Variants in ARHGEF10L observed in about 807,000 individuals in gnomAD.
ARHGEF10L encodes the protein Rho guanine nucleotide exchange factor 10 like.
ARHGEF10L carries 69 observed loss-of-function variants against 141.2 expected under a neutral mutation model. The observed-to-expected ratio is 0.49, with a 90% CI of 0.40 to 0.60. The LOEUF (loss-of-function observed/expected upper bound fraction) is 0.60, where lower values mean the gene tolerates loss of function less well. Ranked by LOEUF, ARHGEF10L falls within the 20% of genes least tolerant of loss-of-function variation. The pLI is 0.00. For synonymous variants in ARHGEF10L, 711 were observed against 718.5 expected, an observed-to-expected ratio of 0.99 and a Z score of 0.17; for missense variants, 1,482 against 1,734.3, an observed-to-expected ratio of 0.85 and a Z score of 2.58.
chr1:17,635,103 G>A, intron 18 of ARHGEF10L, 87 bp downstream of exon 18: 2 of 1,533,992 alleles, frequency 1.3e-6, no homozygotes, highest in Non-Finnish European at 1.8e-6. Flanking sequence ...GCTTGGCCCT[G>A]TCTTGGGGAC....
Position 17,634,984 on chromosome 1 carries a change from C to T in ARHGEF10L, c.1895C>T (p.Ala632Val), listed in dbSNP as rs2060914590. 2 of 1,613,978 alleles carry T rather than the reference C, an allele frequency of 1.2e-6. No individual in the cohort carries two copies. Among genetic ancestry groups the T allele is most frequent in the Non-Finnish European group, 1.7e-6 (2 of 1,179,962 alleles). Reference protein sequence around the residue: ...KDNVLIQHSGAKKASASGQAQ... With the variant: ...KDNVLIQHSGVKKASASGQAQ... Reference sequence around the variant, plus strand: ...AATGTGCTCATCCAGCACTCAGGCGCCAAGAAGGCCTCTGCCTCAGGGCAG... The same window carrying T: ...AATGTGCTCATCCAGCACTCAGGCGTCAAGAAGGCCTCTGCCTCAGGGCAG... Residue 632 changes from alanine (A) to valine (V), a missense_variant, in exon 18 of 29, where the codon GCC becomes GTC. Physicochemically the swap from Ala to Val is moderately conservative, Grantham distance 64. Transcript: ENST00000361221.
chr1:17,626,195 C>T (rs2060377308), intron 14 of ARHGEF10L, 147 bp downstream of exon 14: 1 of 636,194 alleles, frequency 1.6e-6, no homozygotes, highest in Non-Finnish European at 2.7e-6. Flanking sequence ...CCTCATCTTT[C>T]TCCACTTCTA....
At chr1:17,653,708 A>G (rs756354001) in intron 22 of ARHGEF10L, among the ~76,000 whole-genome samples, 11 of 152,230 alleles carry the variant, frequency 7.2e-5, no homozygotes, top group Non-Finnish European at 1.2e-4. Context: ...GTAAAATTCA[A>G]CCAGAATAGA....
At chr1:17,535,428 G>T (rs890060646), upstream of ARHGEF10L, among the ~76,000 whole-genome samples, 6 of 152,242 alleles carry the variant, frequency 3.9e-5, no homozygotes, top group African/African-American at 1.4e-4. Context: ...CTGAGGGTTG[G>T]GGACCCCTGC....
At chr1:17,675,395 G>A (rs1307108053) in intron 26 of ARHGEF10L, among the ~76,000 whole-genome samples, 1 of 152,238 alleles carries the variant, frequency 6.6e-6, no homozygotes, top group Non-Finnish European at 1.5e-5. Flanking sequence ...CTAAGCACGG[G>A]CAAATGGGTG....
chr1:17,681,952 AC>A (rs2064156262), intron 26 of ARHGEF10L, among the ~76,000 whole-genome samples: 1 of 151,690 alleles, frequency 6.6e-6, no homozygotes, highest in Non-Finnish European at 1.5e-5. Context: ...ACCCCACTCC[AC>A]ACCCTGCCCT....
chr1:17,610,232 C>T (rs2059475849), intron 7 of ARHGEF10L, among the ~76,000 whole-genome samples: 1 of 152,130 alleles, frequency 6.6e-6, no homozygotes, highest in Non-Finnish European at 1.5e-5. Context: ...TGGGTGGGGC[C>T]CGGTAATCTG....
At chr1:17,591,808 A>G (rs1454259183) in intron 4 of ARHGEF10L, among the ~76,000 whole-genome samples, 1 of 152,196 alleles carries the variant, frequency 6.6e-6, no homozygotes, top group Non-Finnish European at 1.5e-5. Flanking sequence ...TTGGTGTCCC[A>G]AAGTGCTGGG....
intron 1 of ARHGEF10L, among the ~76,000 whole-genome samples, chr1:17,563,029 G>A (rs1296408233): frequency 6.6e-6 from 1 of 152,148 alleles, no homozygotes. Context: ...TGAGAAACTC[G>A]AGGATGAGGG....
At chr1:17,578,541 G>T (rs1313023695) in intron 1 of ARHGEF10L, among the ~76,000 whole-genome samples, 1 of 74,522 alleles carries the variant, frequency 1.3e-5, no homozygotes, top group African/African-American at 3.4e-5. Context: ...TAAAAAATTA[G>T]CCAGGCATGG....
chr1:17,543,000 A>G (rs987767145), intron 1 of ARHGEF10L, among the ~76,000 whole-genome samples: 1 of 152,072 alleles, frequency 6.6e-6, no homozygotes, highest in African/African-American at 2.4e-5. Flanking sequence ...CTCTTTAACA[A>G]CTGAGTGTGC....
At chr1:17,651,636 C>T (rs1339148169) in intron 22 of ARHGEF10L, among the ~76,000 whole-genome samples, 3 of 152,174 alleles carry the variant, frequency 2.0e-5, no homozygotes, top group Non-Finnish European at 2.9e-5. Flanking sequence ...TCTGCCACCT[C>T]GAACCTGGGG....
At chr1:17,684,830 TC>T (rs962265348) in intron 26 of ARHGEF10L, among the ~76,000 whole-genome samples, 84 of 152,134 alleles carry the variant, frequency 5.5e-4, no homozygotes, top group African/African-American at 1.9e-3. Context: ...CTGTCTCTTC[TC>T]CCCTCCCCTC....
chr1:17,695,564 T>G (rs1349313809), intron 28 of ARHGEF10L, among the ~76,000 whole-genome samples: 2 of 152,218 alleles, frequency 1.3e-5, no homozygotes, highest in Non-Finnish European at 2.9e-5. Flanking sequence ...CACTGGCCCT[T>G]TCTGCTGCTT....
At chr1:17,604,074 A>G (rs932677631) in intron 6 of ARHGEF10L, among the ~76,000 whole-genome samples, 1 of 151,994 alleles carries the variant, frequency 6.6e-6, no homozygotes, top group Non-Finnish European at 1.5e-5. Flanking sequence ...AACTCACCTG[A>G]TGGAAGAGAG....
At position 17,697,119 on chromosome 1, in the gene ARHGEF10L, G is replaced by A. The variant is rs751414777; in HGVS notation, c.3579G>A (p.Pro1193=). The A allele has an allele frequency of 2.0e-5, 33 of 1,609,964 alleles. No individual in the cohort carries two copies. Among genetic ancestry groups the A allele is most frequent in the Admixed American group, 6.7e-5 (4 of 59,824 alleles). The change falls in exon 29 of 29, where the codon CCG becomes CCA. Residue 1193 remains proline (P), a synonymous_variant. Transcript: ENST00000361221. The surrounding 1 kb of genome is among the most constrained non-coding windows in gnomAD (Gnocchi z 4.8). Reference sequence around the variant, plus strand: ...GCCCGCTGCTCTCCATGCGGGAGCCGGCGCCTGCTGATGGCGCAGCTTTGG... The same window carrying A: ...GCCCGCTGCTCTCCATGCGGGAGCCAGCGCCTGCTGATGGCGCAGCTTTGG... ...LPGPLLSMRE[P]APADGAALEH... is the part of the protein sequence containing the mutation.
chr1:17,608,662 C>T (rs111523280), intron 7 of ARHGEF10L, among the ~76,000 whole-genome samples: 7 of 152,280 alleles, frequency 4.6e-5, no homozygotes, highest in African/African-American at 1.4e-4. Flanking sequence ...TGTTGTTCTG[C>T]GGAAGCCACC....
chr1:17,619,589 G>T lies in ARHGEF10L; in HGVS notation c.942+144G>T, dbSNP rs766719872. The T allele has an allele frequency of 9.4e-5, 60 of 638,418 alleles. No homozygotes were observed. The highest frequency in any genetic ancestry group is 1.6e-4 in the Admixed American group (5 of 32,132). 39.5% of individuals were successfully genotyped at this position (638,418 alleles called of 1,614,324 possible). On this transcript the variant is annotated intron_variant, in intron 10 of 28. Coordinates refer to ENST00000361221, the MANE Select transcript of ARHGEF10L (RefSeq NM_018125.4). The surrounding 1 kb of genome is among the most constrained non-coding windows in gnomAD (Gnocchi z 5.0). The stretch of plus-strand genomic sequence containing the variant: ...TCTTGGCAGAGCCCAGCTGGATAGG[G>T]GCCTCCTAGGTTCTCTCCTCAGCTA...
intron 27 of ARHGEF10L, among the ~76,000 whole-genome samples, chr1:17,693,599 C>A (rs1299964847): frequency 1.3e-5 from 2 of 152,188 alleles, no homozygotes; most frequent in Admixed American, 6.5e-5. Flanking sequence ...ACCTCAACTC[C>A]ACCCCACCCT....
Sources: allele counts gnomAD v4.1 joint callset (sites outside exome capture counted in the v4.1 genomes callset), GRCh38; gene constraint gnomAD v4.1.1; non-coding constraint Gnocchi (gnomAD v3.1); transcripts MANE v1.5; gene names NCBI Gene and HGNC (gene_info 2026-07-23, HGNC 2026-07-21).